The following EPAS1 variants were observed in gnomAD, a reference collection of about 807,000 sequenced individuals.
EPAS1 encodes endothelial PAS domain-containing protein 1.
A neutral mutation model predicts 87.9 loss-of-function variants in EPAS1; 23 were observed. The ratio of observed to expected loss-of-function variants is 0.26; its 90% CI spans 0.19 to 0.37. The LOEUF is 0.37. Ranked by LOEUF, EPAS1 falls within the 10% of genes least tolerant of loss-of-function variation. The pLI is 1.00. For missense variants in EPAS1, 1,138 were observed against 1,120.7 expected (o/e 1.02, Z -0.22); for synonymous variants, 508 against 444.3 (o/e 1.14, Z -1.80).
chr2:46,342,138 C>T (rs1186769917), intron 1 of EPAS1, among the ~76,000 whole-genome samples: 1 of 152,170 alleles, frequency 6.6e-6, no homozygotes, highest in Non-Finnish European at 1.5e-5. Flanking sequence ...GGATAGAGCC[C>T]AGGCATCTGT....
intron 6 of EPAS1, among the ~76,000 whole-genome samples, chr2:46,364,132 C>T (rs1320585937): frequency 6.6e-6 from 1 of 152,112 alleles, no homozygotes; most frequent in Non-Finnish European, 1.5e-5. Flanking sequence ...CCTTTAGAGA[C>T]AAATCCTGCA....
chr2:46,378,123 G>A (rs2103667977), intron 10 of EPAS1, 36 bp downstream of exon 10: 2 of 1,562,186 alleles, frequency 1.3e-6, no homozygotes, highest in Non-Finnish European at 1.7e-6. Context: ...CACAGAGAGG[G>A]CTCCGTATGT....
intron 1 of EPAS1, among the ~76,000 whole-genome samples, chr2:46,333,635 C>T (rs772742473): frequency 2.0e-5 from 3 of 151,908 alleles, no homozygotes; most frequent in Non-Finnish European, 2.9e-5. Flanking sequence ...CTGGAGTAAG[C>T]GTGGAGCTAC....
intron 1 of EPAS1, among the ~76,000 whole-genome samples, chr2:46,335,515 A>G (rs1455753302): frequency 6.6e-6 from 1 of 150,394 alleles, no homozygotes; most frequent in East Asian, 2.0e-4. Context: ...CTGTTTTCTC[A>G]TGACACAGTG....
In EPAS1 at chr2:46,329,097, G is replaced by C. The variant is rs148685108; in HGVS notation, c.27-17776G>C. On this transcript the variant is annotated intron_variant, in intron 1 of 15. Coordinates refer to ENST00000263734, the MANE Select transcript of EPAS1 (RefSeq NM_001430.5). Reference sequence around the variant, plus strand: ...GTCTTAAGAACTTGATAGAGTGTTAGAGCTTCCTGGGTTTTTAAAGTCAAG... The same window carrying C: ...GTCTTAAGAACTTGATAGAGTGTTACAGCTTCCTGGGTTTTTAAAGTCAAG... Among the ~76,000 whole-genome samples the C allele has an allele frequency of 2.4e-4, 37 of 152,340 alleles. 1 individual carries two copies. In the East Asian group the frequency reaches 6.4e-3, roughly 26 times the overall value.
intron 15 of EPAS1, among the ~76,000 whole-genome samples, chr2:46,384,000 G>A (rs891275965): frequency 2.0e-5 from 3 of 152,274 alleles, no homozygotes; most frequent in African/African-American, 2.4e-5. Flanking sequence ...TGTGTGCTGC[G>A]AGTGTCCCCC....
rs756463365 is a variant in EPAS1, at chr2:46,376,706, C to T, written c.1202C>T (p.Ala401Val). 2 of 1,613,336 alleles carry T rather than the reference C, an allele frequency of 1.2e-6. No individual in the cohort carries two copies. The highest frequency in any genetic ancestry group is 1.7e-6 in the Non-Finnish European group (2 of 1,180,006). Residue 401 changes from alanine to valine, a missense_variant, in exon 9 of 16, where the codon GCC (alanine) becomes GTC (valine). This residue lies in a region of EPAS1 where 284 missense variants were observed against 258.4 expected (regional missense o/e 1.10). Coordinates refer to ENST00000263734, the MANE Select transcript of EPAS1 (RefSeq NM_001430.5). Reference sequence around the variant, plus strand: ...CTAAAGGAGGAGCCCGAGGAGCTGGCCCAGCTGGCTCCCACCCCAGGAGAC... The same window carrying T: ...CTAAAGGAGGAGCCCGAGGAGCTGGTCCAGCTGGCTCCCACCCCAGGAGAC... ...TKLKEEPEEL[A>V]QLAPTPGDAI...
chr2:46,380,614 G>A lies in EPAS1; in HGVS notation c.1942G>A (p.Gly648Arg). The stretch of plus-strand genomic sequence containing the variant: ...GCCCCCAGATCCACCATTACATTTT[G>A]GGCCCACAAAGTGGGCCGTCGGGGA... ...QWPPDPPLHF[G>R]PTKWAVGDQR... The change falls in exon 12 of 16, where the codon GGG becomes AGG. Residue 648 changes from glycine (G) to arginine (R), a missense_variant. Around this residue, in one of 4 missense-constraint regions of EPAS1, gnomAD observed 502 missense variants for 427.1 expected, o/e 1.18. Coordinates refer to ENST00000263734, the MANE Select transcript of EPAS1 (RefSeq NM_001430.5). The surrounding 1 kb of genome is among the most constrained non-coding windows in gnomAD (Gnocchi z 4.4). The A allele has an allele frequency of 6.2e-7, 1 of 1,614,040 alleles. No homozygotes were observed. Among genetic ancestry groups the A allele is most frequent in the Non-Finnish European group, 8.5e-7 (1 of 1,179,982 alleles).
chr2:46,304,816 C>G (rs1683076728), intron 1 of EPAS1, among the ~76,000 whole-genome samples: 1 of 151,604 alleles, frequency 6.6e-6, no homozygotes, highest in Non-Finnish European at 1.5e-5. Context: ...CTTCCTGTGG[C>G]TCTTTTGATC....
chr2:46,366,241 C>G (rs780446849), intron 6 of EPAS1, among the ~76,000 whole-genome samples: 1 of 152,194 alleles, frequency 6.6e-6, no homozygotes, highest in Non-Finnish European at 1.5e-5. Context: ...CACGCTGTAG[C>G]CAAGAGAATA....
chr2:46,362,275 CT>C (rs1411577523), intron 6 of EPAS1, among the ~76,000 whole-genome samples: 8 of 152,252 alleles, frequency 5.3e-5, no homozygotes. Context: ...AGAGATAACA[CT>C]TTCTAACCTG....
At chr2:46,358,998 C>G (rs572389223) in intron 4 of EPAS1, among the ~76,000 whole-genome samples, 1 of 152,088 alleles carries the variant, frequency 6.6e-6, no homozygotes, top group East Asian at 1.9e-4. Flanking sequence ...CGGTGGCTCA[C>G]GCCTGTAATC....
chr2:46,382,010 G>T lies in EPAS1; in HGVS notation c.2208G>T (p.Met736Ile). The change falls in exon 14 of 16, where the codon ATG (methionine) becomes ATT (isoleucine). Residue 736 changes from methionine to isoleucine, a missense_variant. Transcript: ENST00000263734. Reference sequence around the variant, plus strand: ...CTGGTGGCAGCACCTCACATTTGATGTGGAAACGGATGAAGAACCTCAGGG... The same window carrying T: ...CTGGTGGCAGCACCTCACATTTGATTTGGAAACGGATGAAGAACCTCAGGG... ...DPPGGSTSHL[M>I]WKRMKNLRGG... 6.2e-7 allele frequency: 1 copy of T among 1,607,772 alleles called. No individual in the cohort carries two copies. The highest frequency in any genetic ancestry group is 8.5e-7 in the Non-Finnish European group (1 of 1,176,216).
At chr2:46,330,501 A>C (rs1683653131) in intron 1 of EPAS1, among the ~76,000 whole-genome samples, 1 of 152,242 alleles carries the variant, frequency 6.6e-6, no homozygotes, top group Non-Finnish European at 1.5e-5. Context: ...GAGGTTTGTC[A>C]GAAGTTCTCT....
chr2:46,361,227 C>G, intron 6 of EPAS1, 137 bp downstream of exon 6: 2 of 966,088 alleles, frequency 2.1e-6, no homozygotes, highest in Non-Finnish European at 3.2e-6. Context: ...ACCTGTGCCA[C>G]TGTTTCATTG....
At chr2:46,343,543 T>C (rs1043726908) in intron 1 of EPAS1, among the ~76,000 whole-genome samples, 3 of 152,250 alleles carry the variant, frequency 2.0e-5, no homozygotes, top group Non-Finnish European at 2.9e-5. Flanking sequence ...TCCTCATCTA[T>C]TAAATGGAGA....
chr2:46,340,508 T>G (rs1683889935), intron 1 of EPAS1, among the ~76,000 whole-genome samples: 2 of 152,186 alleles, frequency 1.3e-5, no homozygotes, highest in Admixed American at 6.5e-5. Context: ...GTCTTCTCTC[T>G]TCTTTGTCCC....
Position 46,378,776 on chromosome 2 carries a change from C to A in EPAS1, c.1554+9C>A. ...ACCAATGCAGTACCCAGGTAGATGG[C>A]TGTGGAGATCAGGCTAGGGTGTGTG... is the stretch of plus-strand genomic sequence containing the variant. On this transcript the variant is annotated intron_variant, in intron 11 of 15. Coordinates refer to ENST00000263734, the MANE Select transcript of EPAS1 (RefSeq NM_001430.5). 6.2e-7 allele frequency: 1 copy of A among 1,607,956 alleles called. No individual in the cohort carries two copies. Among genetic ancestry groups the A allele is most frequent in the Non-Finnish European group, 8.5e-7 (1 of 1,174,390 alleles).
At chr2:46,327,470 A>C (rs900568782) in intron 1 of EPAS1, among the ~76,000 whole-genome samples, 1 of 152,234 alleles carries the variant, frequency 6.6e-6, no homozygotes, top group Non-Finnish European at 1.5e-5. Flanking sequence ...TTAGAACCAC[A>C]GAGACTTTAG....
Sources: allele counts gnomAD v4.1 joint callset (sites outside exome capture counted in the v4.1 genomes callset), GRCh38; gene constraint gnomAD v4.1.1; regional missense constraint gnomAD v4.1.1; non-coding constraint Gnocchi (gnomAD v3.1); transcripts MANE v1.5; gene names NCBI Gene and HGNC (gene_info 2026-07-23, HGNC 2026-07-21).